Variants in MYO5B observed in about 807,000 individuals in gnomAD.
The protein encoded by MYO5B is myosin VB, also known as unconventional myosin-Vb.
In MYO5B, 143 loss-of-function variants were observed where a neutral mutation model predicts 229.3. The ratio of observed to expected loss-of-function variants is 0.62; its 90% CI spans 0.54 to 0.72. The LOEUF (loss-of-function observed/expected upper bound fraction) is 0.72. Ranked by LOEUF, MYO5B falls within the 30% of genes least tolerant of loss-of-function variation. MYO5B has a pLI of 0.00. For missense variants in MYO5B, 2,321 were observed against 2,331.0 expected, an observed-to-expected ratio of 1.00 and a Z score of 0.09; for synonymous variants, 918 against 885.2, an observed-to-expected ratio of 1.04 and a Z score of -0.66.
intron 8 of MYO5B, among the ~76,000 whole-genome samples, 180 bp downstream of exon 8, chr18:49,984,538 T>A (rs1376306512): frequency 1.3e-5 from 2 of 152,176 alleles, no homozygotes; most frequent in African/African-American, 4.8e-5. Flanking sequence ...AAATTTTAAG[T>A]TCTAGAGCCT....
intron 22 of MYO5B, among the ~76,000 whole-genome samples, chr18:49,887,476 C>A (rs2024656892): frequency 6.6e-6 from 1 of 152,042 alleles, no homozygotes; most frequent in African/African-American, 2.4e-5. Context: ...CACGTGAGAT[C>A]TGGTTGTTTA....
chr18:50,039,767 A>T (rs1305273534), intron 3 of MYO5B, among the ~76,000 whole-genome samples: 2 of 152,234 alleles, frequency 1.3e-5, no homozygotes, highest in African/African-American at 4.8e-5. Flanking sequence ...GATCACAGAA[A>T]AGCAGGCTTT....
chr18:49,984,249 T>C (rs2025846535), intron 8 of MYO5B, among the ~76,000 whole-genome samples: 1 of 152,232 alleles, frequency 6.6e-6, no homozygotes, highest in Admixed American at 6.5e-5. Flanking sequence ...GAAACAGAGC[T>C]GACAGAATTA....
At chr18:49,846,724 G>C (rs1598828378) in intron 33 of MYO5B, among the ~76,000 whole-genome samples, 1 of 152,232 alleles carries the variant, frequency 6.6e-6, no homozygotes, top group East Asian at 1.9e-4. Flanking sequence ...CTGACTTAAA[G>C]GGAGGTTGTG....
intron 1 of MYO5B, among the ~76,000 whole-genome samples, chr18:50,188,792 A>ACAC (rs1266300583): frequency 3.3e-5 from 4 of 120,026 alleles, no homozygotes; most frequent in African/African-American, 1.6e-4. Flanking sequence ...TCATAAAAAA[A>ACAC]AAAAAAAAAA....
chr18:49,926,681 C>T (rs752700144), intron 17 of MYO5B, among the ~76,000 whole-genome samples: 5 of 152,248 alleles, frequency 3.3e-5, no homozygotes, highest in South Asian at 2.1e-4. Flanking sequence ...GTGGCTTATC[C>T]GCAAGGCAAA....
intron 1 of MYO5B, among the ~76,000 whole-genome samples, chr18:50,068,044 TACACACAC>T (rs4042092): frequency 4.1e-5 from 6 of 147,874 alleles, no homozygotes; most frequent in Non-Finnish European, 8.9e-5. Flanking sequence ...TACACACATA[TACACACAC>T]ACACACACAC....
intron 1 of MYO5B, among the ~76,000 whole-genome samples, chr18:50,104,290 A>ATATATATATC (rs1555659367): frequency 1.4e-5 from 2 of 145,154 alleles, no homozygotes; most frequent in African/African-American, 5.1e-5. Context: ...ATATATATAT[A>ATATATATATC]TCTCATAAAT....
chr18:50,015,615 G>A (rs545161216), intron 4 of MYO5B, among the ~76,000 whole-genome samples: 8 of 152,200 alleles, frequency 5.3e-5, no homozygotes, highest in Non-Finnish European at 1.0e-4. Flanking sequence ...GGCGCAGCAG[G>A]TGTGCCCAGG....
intron 1 of MYO5B, among the ~76,000 whole-genome samples, chr18:50,110,019 C>CT (rs1298923808): frequency 6.6e-6 from 1 of 152,134 alleles, no homozygotes; most frequent in Admixed American, 6.5e-5. Context: ...ATCCTACCCT[C>CT]TCTCCCCACT....
intron 22 of MYO5B, among the ~76,000 whole-genome samples, chr18:49,892,422 A>G (rs2024726252): frequency 6.6e-6 from 1 of 152,222 alleles, no homozygotes; most frequent in African/African-American, 2.4e-5. Context: ...ATCGTCAGAG[A>G]TGGCAAGCCC....
At chr18:49,853,190 C>T (rs762972235) in intron 31 of MYO5B, among the ~76,000 whole-genome samples, 15 of 152,220 alleles carry the variant, frequency 9.9e-5, no homozygotes, top group Admixed American at 2.0e-4. Context: ...CCAGGTAAAG[C>T]AGCTCAGACC....
intron 4 of MYO5B, among the ~76,000 whole-genome samples, chr18:50,016,446 A>C (rs1006798879): frequency 6.6e-6 from 1 of 152,166 alleles, no homozygotes; most frequent in Admixed American, 6.5e-5. Flanking sequence ...CTTTAACATA[A>C]TGTGTATCTA....
At chr18:49,958,310 G>T (rs1468842752) in intron 12 of MYO5B, among the ~76,000 whole-genome samples, 7 of 152,142 alleles carry the variant, frequency 4.6e-5, no homozygotes, top group Admixed American at 4.6e-4. Context: ...CCCAATTTAT[G>T]GTCTTTAACC....
chr18:49,965,842 G>T (rs1355534668), intron 10 of MYO5B, among the ~76,000 whole-genome samples: 1 of 152,172 alleles, frequency 6.6e-6, no homozygotes, highest in African/African-American at 2.4e-5. Flanking sequence ...CTAGAAGGAG[G>T]TATTTGAGCT....
chr18:50,089,732 G>A (rs944145613), intron 1 of MYO5B, among the ~76,000 whole-genome samples: 1 of 152,174 alleles, frequency 6.6e-6, no homozygotes, highest in African/African-American at 2.4e-5. Context: ...AAACACAAAC[G>A]TTTCTTGTAA....
At chr18:50,025,292 G>C (rs1021372820) in intron 4 of MYO5B, among the ~76,000 whole-genome samples, 1 of 152,140 alleles carries the variant, frequency 6.6e-6, no homozygotes, top group African/African-American at 2.4e-5. Context: ...AACATAGCTG[G>C]TCTGAAGGAC....
intron 5 of MYO5B, among the ~76,000 whole-genome samples, chr18:49,996,826 C>A (rs2025992846): frequency 6.6e-6 from 1 of 152,074 alleles, no homozygotes; most frequent in Admixed American, 6.5e-5. Context: ...ATAGTGTGGA[C>A]AAAGGGACGG....
intron 1 of MYO5B, among the ~76,000 whole-genome samples, chr18:50,074,847 G>C (rs901941814): frequency 3.9e-5 from 6 of 152,120 alleles, no homozygotes; most frequent in African/African-American, 1.4e-4. Flanking sequence ...TTGAGATGGA[G>C]TCTCACTCTG....
Sources: allele counts gnomAD v4.1 joint callset (sites outside exome capture counted in the v4.1 genomes callset), GRCh38; gene constraint gnomAD v4.1.1; transcripts MANE v1.5; gene names NCBI Gene and HGNC (gene_info 2026-07-23, HGNC 2026-07-21).